Variants in ATIC observed in about 807,000 individuals in gnomAD.
The protein encoded by ATIC is bifunctional purine biosynthesis protein ATIC.
In ATIC, 64 loss-of-function variants were observed where a neutral mutation model predicts 72.5. That is an observed-to-expected ratio of 0.88 (90% CI 0.72 to 1.09). ATIC has a LOEUF of 1.09. ATIC is among the 50% of genes least tolerant of loss of function. The pLI is 0.00. For missense variants in ATIC, 787 were observed against 732.4 expected (o/e 1.07, Z -0.86); for synonymous variants, 281 against 267.1 (o/e 1.05, Z -0.51).
chr2:215,337,295 T>G (rs1298739165), intron 11 of ATIC, among the ~76,000 whole-genome samples: 2 of 152,346 alleles, frequency 1.3e-5, no homozygotes, highest in Non-Finnish European at 2.9e-5. Context: ...GATTGTAAGA[T>G]ACCAATAATT....
the ATIC span, among the ~76,000 whole-genome samples, chr2:215,355,647 C>T: frequency 3.9e-5 from 6 of 152,222 alleles, no homozygotes; most frequent in African/African-American, 1.4e-4. Flanking sequence ...GTGCCAGGCA[C>T]AAATTTATCT....
At chr2:215,367,397 A>T in the ATIC span, among the ~76,000 whole-genome samples, 1 of 152,176 alleles carries the variant, frequency 6.6e-6, no homozygotes, top group Non-Finnish European at 1.5e-5. Flanking sequence ...TATGTGTGTG[A>T]CGCAAAAGTG....
intron 7 of ATIC, 76 bp from the exon 8 acceptor site, chr2:215,332,306 A>AT: frequency 2.3e-5 from 36 of 1,586,176 alleles, no homozygotes; most frequent in Non-Finnish European, 2.9e-5. Context: ...TAGTCATGTT[A>AT]TTTTTTTGAG....
intron 4 of ATIC, among the ~76,000 whole-genome samples, chr2:215,322,697 A>G (rs1235836656): frequency 6.6e-6 from 1 of 152,040 alleles, no homozygotes; most frequent in Non-Finnish European, 1.5e-5. Flanking sequence ...GGTTCATTTT[A>G]AGTTAATTTT....
Position 215,325,336 on chromosome 2 carries a change from C to T in ATIC, c.379+7C>T. The T allele has an allele frequency of 6.3e-7, 1 of 1,599,170 alleles. No individual in the cohort carries two copies. Among genetic ancestry groups the T allele is most frequent in the Non-Finnish European group, 8.6e-7 (1 of 1,166,690 alleles). ...GTGGAGCAAATTGACATTGGTAAGTCAGAAAAACCATTTTAGAAGACTGAG... is the reference window on the plus strand; with the variant it reads ...GTGGAGCAAATTGACATTGGTAAGTTAGAAAAACCATTTTAGAAGACTGAG... On this transcript the variant is annotated splice_region_variant and intron_variant, in intron 5 of 15. Coordinates refer to ENST00000236959, the MANE Select transcript of ATIC (RefSeq NM_004044.7).
At position 215,326,090 on chromosome 2, in the gene ATIC, C is replaced by T. The variant is rs775138573; in HGVS notation, c.483C>T (p.Ser161=). ...TGGTGTCCACGGAGATGCAGAGCTC[C>T]GAGAGTAAGGACACCTCCTTGGAGA... The part of the protein sequence containing the change: ...YVVVSTEMQS[S]ESKDTSLETR... Residue 161 remains serine, a synonymous_variant, in exon 6 of 16, where the codon TCC becomes TCT. Coordinates refer to ENST00000236959, the MANE Select transcript of ATIC (RefSeq NM_004044.7). The T allele has an allele frequency of 2.4e-5, 38 of 1,614,030 alleles. No homozygotes were observed. Among genetic ancestry groups the T allele is most frequent in the African/African-American group, 5.3e-5 (4 of 75,004 alleles).
the ATIC span, among the ~76,000 whole-genome samples, chr2:215,356,518 G>A: frequency 5.3e-5 from 8 of 152,298 alleles, no homozygotes; most frequent in Non-Finnish European, 1.2e-4. Context: ...GCAGTTTTCA[G>A]TATATTCACA....
chr2:215,366,558 C>T, the ATIC span, among the ~76,000 whole-genome samples: 1 of 152,174 alleles, frequency 6.6e-6, no homozygotes, highest in African/African-American at 2.4e-5. Flanking sequence ...CAGTTTTATG[C>T]CTTTAACTAC....
intron 3 of ATIC, among the ~76,000 whole-genome samples, chr2:215,318,597 AT>A (rs995821687): frequency 1.3e-4 from 20 of 151,000 alleles, no homozygotes; most frequent in Admixed American, 8.0e-4. Context: ...TTGCAAAGGA[AT>A]TTTTTTTTTC....
At chr2:215,349,882 C>T, downstream of ATIC, 1 of 694,514 alleles carries the variant, frequency 1.4e-6, no homozygotes, top group Non-Finnish European at 2.3e-6. Flanking sequence ...GAGCTCAGCC[C>T]ATCCCACAGC....
intron 14 of ATIC, chr2:215,347,583 C>T (rs1380276875): frequency 6.1e-6 from 3 of 489,820 alleles, no homozygotes; most frequent in South Asian, 4.6e-5. Context: ...AGATGGTCTT[C>T]TGAAGAGCCA....
chr2:215,319,692 A>G lies in ATIC; in HGVS notation c.251A>G (p.Asp84Gly), dbSNP rs756671161. 1 of 1,612,422 alleles carries G rather than the reference A, an allele frequency of 6.2e-7. No individual in the cohort carries two copies. Among genetic ancestry groups the G allele is most frequent in the Non-Finnish European group, 8.5e-7 (1 of 1,178,480 alleles). ...AGILARNIPE[D>G]NADMARLDFN... ...ATCCTAGCTCGTAATATTCCAGAAG[A>G]TAATGCTGACATGGCCAGACTTGAT... Residue 84 changes from aspartate (D) to glycine (G), a missense_variant, in exon 4 of 16, where the codon GAT becomes GGT. Physicochemically the swap from Asp to Gly is moderately conservative, Grantham distance 94. Transcript: ENST00000236959.
At chr2:215,367,881 A>T in the ATIC span, 2 of 1,614,058 alleles carry the variant, frequency 1.2e-6, no homozygotes, top group South Asian at 2.2e-5. Context: ...TCACATCTGA[A>T]ATGACCACTT....
intron 2 of ATIC, among the ~76,000 whole-genome samples, chr2:215,316,994 C>T (rs1017655264): frequency 6.6e-6 from 1 of 152,152 alleles, no homozygotes; most frequent in African/African-American, 2.4e-5. Context: ...ACTCCCTTAC[C>T]TCAGGTGATC....
At chr2:215,328,862 C>T (rs1217308720) in intron 7 of ATIC, among the ~76,000 whole-genome samples, 2 of 152,004 alleles carry the variant, frequency 1.3e-5, no homozygotes, top group Non-Finnish European at 2.9e-5. Context: ...GGACTACAGG[C>T]GCCTGCCACC....
chr2:215,365,473 T>A, the ATIC span: 7 of 1,610,018 alleles, frequency 4.3e-6, no homozygotes, highest in Non-Finnish European at 6.0e-6. Context: ...GAATGCTTAA[T>A]AAGGCACTAA....
intron 2 of ATIC, 68 bp from the exon 3 acceptor site, chr2:215,318,089 A>T: frequency 7.3e-7 from 1 of 1,373,396 alleles, no homozygotes. Context: ...AAAACAGTAG[A>T]TGCTTTGAAT....
At chr2:215,316,007 G>A (rs572811512) in intron 2 of ATIC, among the ~76,000 whole-genome samples, 1 of 151,830 alleles carries the variant, frequency 6.6e-6, no homozygotes, top group South Asian at 2.1e-4. Flanking sequence ...CATATTTTTG[G>A]GTGTTGTTAT....
intron 13 of ATIC, 186 bp downstream of exon 13, chr2:215,345,057 C>G: frequency 1.5e-6 from 1 of 675,854 alleles, no homozygotes; most frequent in Non-Finnish European, 2.6e-6. Flanking sequence ...CAGAAAATAT[C>G]TTTGGAACCA....
Sources: gnomAD v4.1 joint callset for allele counts (sites outside exome capture counted in the v4.1 genomes callset) on GRCh38, gnomAD v4.1.1 for gene constraint, MANE v1.5 for transcripts, NCBI Gene and HGNC (gene_info 2026-07-23, HGNC 2026-07-21) for gene names.